Variants in THSD4 observed in about 807,000 individuals in gnomAD.
THSD4 encodes thrombospondin type 1 domain containing 4.
THSD4 carries 69 observed loss-of-function variants against 119.0 expected under a neutral mutation model. That is an observed-to-expected ratio of 0.58 (90% CI 0.48 to 0.71). The LOEUF is 0.71. Ranked by LOEUF, THSD4 falls within the 30% of genes least tolerant of loss-of-function variation. THSD4 has a pLI of 0.00. For synonymous variants in THSD4, 524 were observed against 540.4 expected, an observed-to-expected ratio of 0.97 and a Z score of 0.42; for missense variants, 1,393 against 1,391.1, an observed-to-expected ratio of 1.00 and a Z score of -0.02.
intron 13 of THSD4, 49 bp downstream of exon 13, chr15:71,747,091 C>G (rs750883843): frequency 1.3e-6 from 2 of 1,538,176 alleles, no homozygotes; most frequent in Non-Finnish European, 8.7e-7. Flanking sequence ...CAGCTCCCAC[C>G]ACACTTTCCA....
intron 1 of THSD4, among the ~76,000 whole-genome samples, chr15:71,125,608 C>T (rs966795575): frequency 8.5e-5 from 13 of 152,220 alleles, no homozygotes; most frequent in Admixed American, 7.8e-4. Context: ...GCTGAGACCG[C>T]GGCTGGCCAG....
upstream of THSD4, among the ~76,000 whole-genome samples, chr15:71,112,552 G>A (rs930200267): frequency 6.6e-6 from 1 of 152,178 alleles, no homozygotes; most frequent in African/African-American, 2.4e-5. Flanking sequence ...ATGAGGTAGT[G>A]AGTAGCTCAC....
intron 7 of THSD4, among the ~76,000 whole-genome samples, chr15:71,644,587 C>A (rs1259373936): frequency 6.6e-6 from 1 of 152,146 alleles, no homozygotes; most frequent in East Asian, 1.9e-4. Context: ...CCTTTGTATT[C>A]TGTTCCTCTG....
intron 3 of THSD4, chr15:71,183,054 G>A (rs1343316288): frequency 1.3e-5 from 2 of 151,778 alleles, no homozygotes; most frequent in African/African-American, 2.4e-5. Flanking sequence ...TACTAATGAA[G>A]ACATACCGGA....
intron 7 of THSD4, among the ~76,000 whole-genome samples, chr15:71,443,150 G>C (rs11854514): frequency 6.6e-6 from 1 of 152,130 alleles, no homozygotes; most frequent in East Asian, 1.9e-4. Flanking sequence ...ATGAATGTTG[G>C]TTGAACTATT....
chr15:71,340,953 G>T (rs1260450384), intron 6 of THSD4, among the ~76,000 whole-genome samples: 1 of 152,038 alleles, frequency 6.6e-6, no homozygotes, highest in Non-Finnish European at 1.5e-5. Context: ...AAAACGGGTT[G>T]GGAGGGTCTA....
intron 14 of THSD4, among the ~76,000 whole-genome samples, chr15:71,749,697 T>TTTTTTTTATTTATTTATTTA (rs748022578): frequency 3.6e-4 from 49 of 137,668 alleles, no homozygotes; most frequent in Middle Eastern, 3.7e-3. Flanking sequence ...ATTTTTAAAT[T>TTTTTTTTATTTATTTATTTA]TTTATTTATT....
intron 6 of THSD4, among the ~76,000 whole-genome samples, chr15:71,393,476 C>T (rs753419293): frequency 5.3e-5 from 8 of 151,976 alleles, no homozygotes; most frequent in Non-Finnish European, 1.0e-4. Flanking sequence ...GCCTTGGTTC[C>T]CAGGCCCTTG....
intron 7 of THSD4, among the ~76,000 whole-genome samples, chr15:71,658,823 C>T (rs957180625): frequency 2.0e-5 from 3 of 152,142 alleles, no homozygotes; most frequent in African/African-American, 7.2e-5. Flanking sequence ...TAATGTTTTA[C>T]AGAGATGCTA....
chr15:71,689,983 G>T (rs2052012392), intron 8 of THSD4, among the ~76,000 whole-genome samples: 1 of 152,162 alleles, frequency 6.6e-6, no homozygotes, highest in African/African-American at 2.4e-5. Flanking sequence ...ACCAAAATAT[G>T]CCGCTTCAAA....
intron 7 of THSD4, among the ~76,000 whole-genome samples, chr15:71,552,948 A>G (rs1229908659): frequency 6.6e-6 from 1 of 152,214 alleles, no homozygotes; most frequent in South Asian, 2.1e-4. Context: ...ATTTTTTTAC[A>G]TTATAAAAAC....
At chr15:71,504,119 T>C (rs1003602456) in intron 7 of THSD4, among the ~76,000 whole-genome samples, 4 of 152,156 alleles carry the variant, frequency 2.6e-5, no homozygotes, top group African/African-American at 9.7e-5. Context: ...AATCATACTT[T>C]GAGATTTGGC....
intron 7 of THSD4, among the ~76,000 whole-genome samples, chr15:71,605,319 A>T (rs1239782855): frequency 6.6e-6 from 1 of 152,240 alleles, no homozygotes; most frequent in African/African-American, 2.4e-5. Context: ...CCTGGTTTGG[A>T]TGAGAAACTT....
At chr15:71,404,149 G>C (rs2046574786) in intron 6 of THSD4, among the ~76,000 whole-genome samples, 1 of 152,040 alleles carries the variant, frequency 6.6e-6, no homozygotes, top group Non-Finnish European at 1.5e-5. Context: ...AGTTGTTTTA[G>C]TATATTCACA....
At chr15:71,666,747 C>T (rs576531667) in intron 8 of THSD4, among the ~76,000 whole-genome samples, 16 of 152,172 alleles carry the variant, frequency 1.1e-4, no homozygotes, top group Admixed American at 5.9e-4. Context: ...AAATAGAAAA[C>T]GGAGGCATGT....
chr15:71,684,132 A>G (rs182328941), intron 8 of THSD4, among the ~76,000 whole-genome samples: 147 of 152,296 alleles, frequency 9.7e-4, no homozygotes, highest in African/African-American at 3.4e-3. Context: ...TTGCTGTGGT[A>G]TGATGATGAT....
intron 4 of THSD4, among the ~76,000 whole-genome samples, chr15:71,226,440 G>C (rs1190201664): frequency 1.3e-5 from 2 of 152,164 alleles, no homozygotes; most frequent in African/African-American, 2.4e-5. Context: ...TTTTGAAACA[G>C]GACAGCCTGG....
chr15:71,279,146 AT>A (rs769572867), intron 6 of THSD4, among the ~76,000 whole-genome samples: 27 of 152,142 alleles, frequency 1.8e-4, no homozygotes, highest in Non-Finnish European at 3.2e-4. Flanking sequence ...AAGGGAGAAA[AT>A]GGAGGGGAGG....
chr15:71,255,915 C>T (rs886660584), intron 5 of THSD4, among the ~76,000 whole-genome samples: 1 of 152,138 alleles, frequency 6.6e-6, no homozygotes, highest in African/African-American at 2.4e-5. Context: ...AGGGGAATGG[C>T]ATGAACAAAG....
Sources: gnomAD v4.1 joint callset for allele counts (sites outside exome capture counted in the v4.1 genomes callset) on GRCh38, gnomAD v4.1.1 for gene constraint, MANE v1.5 for transcripts, NCBI Gene and HGNC (gene_info 2026-07-23, HGNC 2026-07-21) for gene names.